The following RAPGEF5 variants were observed in gnomAD, a reference collection of about 807,000 sequenced individuals.
RAPGEF5 encodes the protein M-Ras-regulated GEF.
RAPGEF5 carries 65 observed loss-of-function variants against 125.2 expected under a neutral mutation model. The ratio of observed to expected loss-of-function variants is 0.52; its 90% confidence interval spans 0.43 to 0.64. RAPGEF5 has a LOEUF of 0.64. Among genes scored for constraint, RAPGEF5 ranks in the 30% least tolerant of loss-of-function variants. The pLI, the probability that RAPGEF5 is intolerant of heterozygous loss-of-function variation, is 0.00. For synonymous variants in RAPGEF5, 391 were observed against 385.9 expected, an observed-to-expected ratio of 1.01 and a Z score of -0.16; for missense variants, 958 against 1,048.1, an observed-to-expected ratio of 0.91 and a Z score of 1.19.
At chr7:22,343,985 G>A (rs1311584949) in intron 1 of RAPGEF5, among the ~76,000 whole-genome samples, 1 of 151,994 alleles carries the variant, frequency 6.6e-6, no homozygotes, top group Non-Finnish European at 1.5e-5. Context: ...CAGCTTCTCC[G>A]ATTCCAAACC....
chr7:22,308,691 T>C lies in RAPGEF5; in HGVS notation c.512-184A>G, dbSNP rs549140615. On this transcript the variant is annotated intron_variant, in intron 4 of 25. Coordinates refer to ENST00000665637, the MANE Select transcript of RAPGEF5 (RefSeq NM_012294.5). ...ATTGGAAAGGACTTACTGACTAGTC[T>C]ATTTTTACTACTAGAAGCTCTGGCC... 2.8e-4 allele frequency among the ~76,000 whole-genome samples: 42 copies of C among 152,324 alleles called. No homozygotes were observed. The South Asian group carries it at 7.0e-3, about 26-fold the overall frequency.
chr7:22,337,225 G>C (rs917300915), intron 1 of RAPGEF5, among the ~76,000 whole-genome samples: 2 of 152,182 alleles, frequency 1.3e-5, no homozygotes, highest in African/African-American at 4.8e-5. Flanking sequence ...GTTTGGTTGG[G>C]GATGTAATCG....
At chr7:22,331,672 G>A (rs1783921890) in intron 1 of RAPGEF5, among the ~76,000 whole-genome samples, 1 of 150,994 alleles carries the variant, frequency 6.6e-6, no homozygotes, top group African/African-American at 2.4e-5. Flanking sequence ...GTGAACCCGG[G>A]AGGCGGAGCT....
chr7:22,335,377 T>C (rs1784006142), intron 1 of RAPGEF5, among the ~76,000 whole-genome samples: 1 of 152,076 alleles, frequency 6.6e-6, no homozygotes, highest in Admixed American at 6.5e-5. Context: ...AAGGCAGAGG[T>C]AGATAAAGGG....
At chr7:22,275,144 C>T (rs1223671143) in intron 6 of RAPGEF5, among the ~76,000 whole-genome samples, 1 of 152,202 alleles carries the variant, frequency 6.6e-6, no homozygotes, top group East Asian at 1.9e-4. Context: ...CAGATCCCAA[C>T]TTAGGTACCA....
chr7:22,346,165 TC>T (rs1784221127), intron 1 of RAPGEF5, among the ~76,000 whole-genome samples: 1 of 152,100 alleles, frequency 6.6e-6, no homozygotes, highest in African/African-American at 2.4e-5. Context: ...TGATTCCCTA[TC>T]CCACCATTGG....
At chr7:22,345,698 T>G (rs1451285175) in intron 1 of RAPGEF5, among the ~76,000 whole-genome samples, 1 of 62,826 alleles carries the variant, frequency 1.6e-5, no homozygotes, top group Non-Finnish European at 3.3e-5. Context: ...CTAGGCAGCT[T>G]TTTTTTTTTT....
At chr7:22,180,164 T>C (rs776858368) in intron 11 of RAPGEF5, among the ~76,000 whole-genome samples, 1 of 152,160 alleles carries the variant, frequency 6.6e-6, no homozygotes, top group Non-Finnish European at 1.5e-5. Context: ...AAGAAACAAA[T>C]ACATAATTAT....
intron 24 of RAPGEF5, among the ~76,000 whole-genome samples, chr7:22,126,042 C>T (rs969963540): frequency 4.6e-5 from 7 of 152,000 alleles, no homozygotes; most frequent in Non-Finnish European, 7.4e-5. Context: ...CCCAGCTACT[C>T]GGGAGGCTGA....
intron 9 of RAPGEF5, chr7:22,194,674 C>A: frequency 1.0e-6 from 1 of 985,146 alleles, no homozygotes; most frequent in Non-Finnish European, 1.2e-6. Flanking sequence ...TAGTTAGAAT[C>A]TCATCTAGGC....
chr7:22,268,568 T>C (rs535607250), intron 6 of RAPGEF5, among the ~76,000 whole-genome samples: 2 of 152,272 alleles, frequency 1.3e-5, no homozygotes, highest in South Asian at 2.1e-4. Flanking sequence ...ATATTTGGAG[T>C]TGGGACAAAG....
At chr7:22,285,593 T>C (rs996293739) in intron 6 of RAPGEF5, among the ~76,000 whole-genome samples, 6 of 152,190 alleles carry the variant, frequency 3.9e-5, no homozygotes, top group Admixed American at 1.3e-4. Flanking sequence ...CAAATCCAAA[T>C]TGTAGAGTCA....
chr7:22,284,037 G>A (rs951530624), intron 6 of RAPGEF5, among the ~76,000 whole-genome samples: 6 of 150,900 alleles, frequency 4.0e-5, no homozygotes, highest in African/African-American at 1.5e-4. Flanking sequence ...TGGAATTAGA[G>A]ATGATGGCTT....
At chr7:22,313,597 A>AT (rs895326800) in intron 3 of RAPGEF5, among the ~76,000 whole-genome samples, 3 of 152,110 alleles carry the variant, frequency 2.0e-5, no homozygotes, top group Non-Finnish European at 2.9e-5. Context: ...GGATAGATGG[A>AT]TTTTTTTCCA....
intron 2 of RAPGEF5, among the ~76,000 whole-genome samples, chr7:22,317,167 G>A (rs943937606): frequency 6.6e-6 from 1 of 150,836 alleles, no homozygotes; most frequent in Non-Finnish European, 1.5e-5. Context: ...TACAGCGGTG[G>A]AGAAGGTAGA....
At chr7:22,256,858 A>C (rs757834643) in intron 7 of RAPGEF5, among the ~76,000 whole-genome samples, 1 of 152,248 alleles carries the variant, frequency 6.6e-6, no homozygotes, top group Admixed American at 6.5e-5. Context: ...AAATTTCTGC[A>C]AATCTTATGA....
chr7:22,274,163 TTA>T (rs1457936714), intron 6 of RAPGEF5, among the ~76,000 whole-genome samples: 4 of 152,136 alleles, frequency 2.6e-5, no homozygotes, highest in Non-Finnish European at 5.9e-5. Flanking sequence ...CCTTAGTGAT[TTA>T]TCCTCAACCC....
intron 5 of RAPGEF5, among the ~76,000 whole-genome samples, chr7:22,299,121 T>C (rs1281920534): frequency 6.6e-6 from 1 of 151,950 alleles, no homozygotes; most frequent in East Asian, 1.9e-4. Context: ...TCCTTCTTTG[T>C]AGTTTGTTTT....
chr7:22,183,672 G>A (rs1257741756), intron 11 of RAPGEF5, among the ~76,000 whole-genome samples: 2 of 152,192 alleles, frequency 1.3e-5, no homozygotes, highest in Non-Finnish European at 2.9e-5. Flanking sequence ...GGGTTCAGGG[G>A]TTGAGGTCAG....
Sources: gnomAD v4.1 joint callset for allele counts (sites outside exome capture counted in the v4.1 genomes callset) on GRCh38, gnomAD v4.1.1 for gene constraint, MANE v1.5 for transcripts, NCBI Gene and HGNC (gene_info 2026-07-23, HGNC 2026-07-21) for gene names.